Variants in ZNF841 observed in about 807,000 individuals in gnomAD.
ZNF841 encodes TCONS_00006091.
ZNF841 carries 11 observed loss-of-function variants against 13.0 expected under a neutral mutation model. That is an observed-to-expected ratio of 0.85 (90% CI 0.53 to 1.40). ZNF841 has a LOEUF of 1.40. ZNF841 is among the 40% of genes most tolerant of loss of function. The pLI, the probability that ZNF841 is intolerant of heterozygous loss-of-function variation, is 0.00. For synonymous variants in ZNF841, 369 were observed against 381.6 expected (o/e 0.97, Z 0.38); for missense variants, 1,068 against 1,139.5 (o/e 0.94, Z 0.90).
intron 2 of ZNF841, among the ~76,000 whole-genome samples, chr19:52,093,286 C>T (rs1280389235): frequency 6.6e-6 from 1 of 152,026 alleles, no homozygotes; most frequent in African/African-American, 2.4e-5. Flanking sequence ...TATTATCCAA[C>T]CCTAAAAAGA....
chr19:52,084,695 G>A, intron 4 of ZNF841, 92 bp downstream of exon 4: 1 of 1,417,320 alleles, frequency 7.1e-7, no homozygotes, highest in South Asian at 1.2e-5. Context: ...TGTCAGGCAG[G>A]ATACTTCAGA....
intron 2 of ZNF841, among the ~76,000 whole-genome samples, chr19:52,089,533 G>A (rs2088400681): frequency 6.6e-6 from 1 of 152,070 alleles, no homozygotes; most frequent in Admixed American, 6.6e-5. Context: ...TGTAGTTTCA[G>A]CTACTCGGGA....
At chr19:52,082,793 AT>A (rs1309875866) in intron 4 of ZNF841, among the ~76,000 whole-genome samples, 37 of 152,188 alleles carry the variant, frequency 2.4e-4, no homozygotes, top group African/African-American at 8.7e-4. Context: ...AAACATGTAC[AT>A]TTCAGGCTGG....
intron 4 of ZNF841, among the ~76,000 whole-genome samples, chr19:52,079,367 T>G (rs913364757): frequency 6.6e-6 from 1 of 150,676 alleles, no homozygotes; most frequent in Admixed American, 6.6e-5. Flanking sequence ...CAATATGTAT[T>G]GCAGCAGTAT....
In ZNF841 at chr19:52,066,491, T is replaced by C. The variant is rs2087567759; in HGVS notation, c.1391A>G (p.Lys464Arg). 6.2e-7 allele frequency: 1 copy of C among 1,613,964 alleles called. No homozygotes were observed. The highest frequency in any genetic ancestry group is 1.7e-5 in the Admixed American group (1 of 59,992). Residue 464 changes from lysine (K) to arginine (R), a missense_variant, in exon 7 of 7, where the codon AAG (lysine) becomes AGG (arginine). Coordinates refer to ENST00000594440, the MANE Select transcript of ZNF841 (RefSeq NM_001136499.2). The part of the protein sequence containing the change: ...ETPYKCNECG[K>R]VFFQRSRLAG... ...AAGACGTGAACGTTGAAAGAAGACC[T>C]TGCCACATTCATTACATTTGTAAGG...
At chr19:52,076,326 A>G in intron 5 of ZNF841, 154 bp from the exon 6 acceptor site, 7 of 895,334 alleles carry the variant, frequency 7.8e-6, no homozygotes, top group Non-Finnish European at 1.1e-5. Context: ...GAACACTGTA[A>G]GATGAAGATA....
At chr19:52,061,500 G>A (rs1377588101), downstream of ZNF841, among the ~76,000 whole-genome samples, 1 of 151,554 alleles carries the variant, frequency 6.6e-6, no homozygotes, top group Non-Finnish European at 1.5e-5. Context: ...CACCACCAAA[G>A]GAAAGTTCTA....
chr19:52,065,131 G>A lies in ZNF841; in HGVS notation c.2751C>T (p.Val917=). 3 of 1,546,428 alleles carry A rather than the reference G, an allele frequency of 1.9e-6. No homozygotes were observed. The highest frequency in any genetic ancestry group is 1.7e-6 in the Non-Finnish European group (2 of 1,149,004). ...KLNVERPLDV[V]LTSGIPK ...ATTATTTGGGGATCCCAGAGGTTAG[G>A]ACAACATCTAACGGCCTTTCCACAT... Residue 917 remains valine, a synonymous_variant, in exon 7 of 7, where the codon GTC becomes GTT. Transcript: ENST00000594440.
intron 6 of ZNF841, among the ~76,000 whole-genome samples, chr19:52,071,538 A>G (rs1445582980): frequency 6.6e-6 from 1 of 152,206 alleles, no homozygotes; most frequent in Non-Finnish European, 1.5e-5. Flanking sequence ...ATGGAGACAC[A>G]GTATATACGA....
Position 52,066,808 on chromosome 19 carries a change from G to A in ZNF841, c.1074C>T (p.Ser358=), listed in dbSNP as rs971098023. ...GAATTCTCTGATGAACTGCAAGGTG[G>A]GAACTTTTACTAAAGGACTTGCCAC... The part of the protein sequence containing the change: ...NECGKSFSKS[S]HLAVHQRIHT... Residue 358 remains serine (S), a synonymous_variant, in exon 7 of 7, where the codon TCC becomes TCT. Coordinates refer to ENST00000594440, the MANE Select transcript of ZNF841 (RefSeq NM_001136499.2). 6 of 1,613,220 alleles carry A rather than the reference G, an allele frequency of 3.7e-6. No homozygotes were observed. Among genetic ancestry groups the A allele is most frequent in the South Asian group, 2.2e-5 (2 of 91,024 alleles).
chr19:52,073,804 C>G (rs949643887), intron 6 of ZNF841, among the ~76,000 whole-genome samples: 4 of 152,068 alleles, frequency 2.6e-5, no homozygotes, highest in African/African-American at 9.7e-5. Flanking sequence ...TATTATAATA[C>G]AGCATTTGTT....
downstream of ZNF841, among the ~76,000 whole-genome samples, chr19:52,060,935 A>G (rs553637369): frequency 1.3e-5 from 2 of 151,956 alleles, no homozygotes; most frequent in Admixed American, 1.3e-4. Context: ...GGTGGAGGGA[A>G]TTCATGAAAA....
At chr19:52,086,432 A>G (rs1038241986) in intron 3 of ZNF841, among the ~76,000 whole-genome samples, 4 of 151,624 alleles carry the variant, frequency 2.6e-5, no homozygotes, top group East Asian at 3.9e-4. Context: ...TTCCTCCTTC[A>G]CCTGCCATGA....
intron 2 of ZNF841, among the ~76,000 whole-genome samples, chr19:52,093,130 CCT>C (rs981424240): frequency 2.0e-5 from 3 of 151,956 alleles, no homozygotes; most frequent in Non-Finnish European, 4.4e-5. Context: ...AAAAAGAAAA[CCT>C]TACAAAATAT....
In ZNF841 at chr19:52,066,659, T is replaced by C; in HGVS notation, c.1223A>G (p.Lys408Arg). 1 of 1,613,024 alleles carries C rather than the reference T, an allele frequency of 6.2e-7. No homozygotes were observed. Among genetic ancestry groups the C allele is most frequent in the Non-Finnish European group, 8.5e-7 (1 of 1,179,450 alleles). ...DKPYKCNECG[K>R]TFKRNSSLTA... is the part of the protein sequence containing the mutation. ...GAGGCTTGAGTTCCGTTTAAAGGTT[T>C]TGCCACATTCATTACATTTGTAGGG... The change falls in exon 7 of 7, where the codon AAA (lysine) becomes AGA (arginine). Residue 408 changes from lysine to arginine, a missense_variant. Lys to Arg is a conservative substitution (Grantham distance 26, BLOSUM62 2). Transcript: ENST00000594440.
In ZNF841 at chr19:52,065,387, T is replaced by C. The variant is rs1270619953; in HGVS notation, c.2495A>G (p.Glu832Gly). The C allele has an allele frequency of 2.5e-6, 4 of 1,608,876 alleles. No individual in the cohort carries two copies. The highest frequency in any genetic ancestry group is 2.5e-6 in the Non-Finnish European group (3 of 1,177,248). ...CTGATGGTAAACCAAGTTTGACCTT[T>C]CGATAAAAGCTTTACCACATTCATT... The part of the protein sequence containing the change: ...KCNECGKAFI[E>G]RSNLVYHQRN... The change falls in exon 7 of 7, where the codon GAA becomes GGA. Residue 832 changes from glutamate (E) to glycine (G), a missense_variant. Transcript: ENST00000594440.
At chr19:52,077,111 G>T in intron 4 of ZNF841, 27 bp from the exon 5 acceptor site, 1 of 1,592,274 alleles carries the variant, frequency 6.3e-7, no homozygotes, top group Non-Finnish European at 8.6e-7. Flanking sequence ...ATTTCAATAT[G>T]AGCAGTGGGT....
chr19:52,077,258 TAGG>T (rs761676626), intron 4 of ZNF841, among the ~76,000 whole-genome samples, 174 bp from the exon 5 acceptor site: 19 of 152,224 alleles, frequency 1.2e-4, no homozygotes, highest in Admixed American at 9.2e-4. Flanking sequence ...TAAAATTCAA[TAGG>T]AGATTAGGAT....
chr19:52,061,205 T>A (rs1600069120), downstream of ZNF841, among the ~76,000 whole-genome samples: 2 of 152,330 alleles, frequency 1.3e-5, no homozygotes, highest in East Asian at 3.9e-4. Flanking sequence ...TCTCCACCTA[T>A]TCCACCTGAT....
Sources: gnomAD v4.1 joint callset for allele counts (sites outside exome capture counted in the v4.1 genomes callset) on GRCh38, gnomAD v4.1.1 for gene constraint, MANE v1.5 for transcripts, NCBI Gene and HGNC (gene_info 2026-07-23, HGNC 2026-07-21) for gene names.